RBM4B: variants seen among roughly 807,000 people sequenced by gnomAD.
RBM4B encodes the protein RNA-binding protein 4B.
In RBM4B, 13 loss-of-function variants were observed where a neutral mutation model predicts 28.5. That is an observed-to-expected ratio of 0.46 (90% CI 0.30 to 0.72). The LOEUF (loss-of-function observed/expected upper bound fraction) is 0.72, where lower values mean the gene tolerates loss of function less well. RBM4B is among the 30% of genes least tolerant of loss of function. The pLI, the probability that RBM4B is intolerant of heterozygous loss-of-function variation, is 0.09. For missense variants in RBM4B, 387 were observed against 477.6 expected (o/e 0.81, Z 1.77); for synonymous variants, 167 against 179.1 (o/e 0.93, Z 0.54).
intron 2 of RBM4B, chr11:66,675,923 C>T (rs1352396275): frequency 1.3e-5 from 2 of 152,200 alleles, no homozygotes; most frequent in African/African-American, 4.8e-5. Flanking sequence ...CTTCTGACAA[C>T]CTCTTGTGGT....
At chr11:66,673,778 G>T (rs1039047098) in intron 2 of RBM4B, among the ~76,000 whole-genome samples, 1 of 152,168 alleles carries the variant, frequency 6.6e-6, no homozygotes. Context: ...GCCCTTTTAA[G>T]AGGCCACCTT....
Position 66,668,685 on chromosome 11 carries a change from T to C in RBM4B, c.1019A>G (p.Tyr340Cys), listed in dbSNP as rs781630995. The C allele has an allele frequency of 6.2e-7, 1 of 1,614,178 alleles. No homozygotes were observed. Among genetic ancestry groups the C allele is most frequent in the South Asian group, 1.1e-5 (1 of 91,086 alleles). Residue 340 changes from tyrosine (Y) to cysteine (C), a missense_variant, in exon 3 of 4, where the codon TAT (tyrosine) becomes TGT (cysteine). Tyr to Cys is a radical substitution (Grantham distance 194). Coordinates refer to ENST00000310046, the MANE Select transcript of RBM4B (RefSeq NM_031492.4). ...QASAATRNSL[Y>C]DMARYEREQY... ...CTCCCGTTCATACCGGGCCATGTCA[T>C]ACAGAGAATTCCGTGTAGCTGCGGA... is the stretch of plus-strand genomic sequence containing the variant.
In RBM4B at chr11:66,668,743, C is replaced by T. The variant is rs147558582; in HGVS notation, c.961G>A (p.Gly321Ser). The stretch of plus-strand genomic sequence containing the variant: ...GATAATTCACTCTCTGGCCCATAAC[C>T]GTAGCCCTCTCCAACTGTGGGGAGC... ...AMLPTVGEGY[G>S]YGPESELSQA... Residue 321 changes from glycine (G) to serine (S), a missense_variant, in exon 3 of 4, where the codon GGT becomes AGT. Physicochemically the swap from Gly to Ser is moderately conservative, Grantham distance 56. Transcript: ENST00000310046. 283 of 1,614,090 alleles carry T rather than the reference C, an allele frequency of 1.8e-4. No individual in the cohort carries two copies. Among genetic ancestry groups the T allele is most frequent in the Non-Finnish European group, 2.2e-4 (260 of 1,180,040 alleles).
chr11:66,668,833 C>G lies in RBM4B; in HGVS notation c.871G>C (p.Ala291Pro), dbSNP rs200939157. The G allele has an allele frequency of 1.2e-6, 2 of 1,614,190 alleles. No homozygotes were observed. Among genetic ancestry groups the G allele is most frequent in the East Asian group, 4.5e-5 (2 of 44,882 alleles). ...TAGTAGGAGGAAGTGGTGGCTGCAGCAGCAGCCATAGCAGCTGAAGTGGCA... is the reference window on the plus strand; with the variant it reads ...TAGTAGGAGGAAGTGGTGGCTGCAGGAGCAGCCATAGCAGCTGAAGTGGCA... ...AAATSAAMAAAAATTSSYYGR... is the reference protein window; with the variant it reads ...AAATSAAMAAPAATTSSYYGR... Residue 291 changes from alanine (A) to proline (P), a missense_variant, in exon 3 of 4, where the codon GCT (alanine) becomes CCT (proline). By Grantham distance (27) the Ala-to-Pro change is conservative (BLOSUM62 -1). Coordinates refer to ENST00000310046, the MANE Select transcript of RBM4B (RefSeq NM_031492.4).
chr11:66,671,896 T>C (rs529065827), intron 2 of RBM4B, among the ~76,000 whole-genome samples: 7 of 151,964 alleles, frequency 4.6e-5, no homozygotes, highest in South Asian at 4.2e-4. Flanking sequence ...CCTGCCACCA[T>C]TGGTGTGGTT....
Position 66,676,740 on chromosome 11 carries a change from C to A in RBM4B, c.340G>T (p.Ala114Ser). Residue 114 changes from alanine (A) to serine (S), a missense_variant, in exon 2 of 4, where the codon GCC (alanine) becomes TCC (serine). Physicochemically the swap from Ala to Ser is moderately conservative, Grantham distance 99. Coordinates refer to ENST00000310046, the MANE Select transcript of RBM4B (RefSeq NM_031492.4). ...TCTGCCCGCTCCATGTGTACGAAGG[C>A]ATAATCTTTCACGATGTCACATTCG... ...VIECDIVKDY[A>S]FVHMERAEDA... 6.2e-7 allele frequency: 1 copy of A among 1,614,126 alleles called. No homozygotes were observed. Among genetic ancestry groups the A allele is most frequent in the Non-Finnish European group, 8.5e-7 (1 of 1,180,008 alleles).
intron 1 of RBM4B, 112 bp from the exon 2 acceptor site, chr11:66,677,203 CAG>C (rs1565097782): frequency 4.7e-6 from 6 of 1,288,154 alleles, no homozygotes; most frequent in Non-Finnish European, 6.4e-6. Flanking sequence ...GACCCTCGTA[CAG>C]ACATTCATTA....
intron 2 of RBM4B, among the ~76,000 whole-genome samples, chr11:66,669,872 T>C (rs1939406006): frequency 6.6e-6 from 1 of 152,236 alleles, no homozygotes; most frequent in Non-Finnish European, 1.5e-5. Context: ...CTTTCCTTTT[T>C]CCCCTTATAC....
intron 2 of RBM4B, among the ~76,000 whole-genome samples, chr11:66,672,052 T>C (rs1939476762): frequency 6.6e-6 from 1 of 151,970 alleles, no homozygotes; most frequent in Non-Finnish European, 1.5e-5. Flanking sequence ...CGGCCCAATT[T>C]TTTAACCTAG....
Position 66,669,221 on chromosome 11 carries a change from G to A in RBM4B, c.483C>T (p.Gly161=). ...GCCCTTCTTTCCCACACCGATAGCA[G>A]CCACTCTGGTCTCCCATACCAGGGG... is the stretch of plus-strand genomic sequence containing the variant. ...RTAPGMGDQS[G]CYRCGKEGHW... is the part of the protein sequence containing the mutation. The change falls in exon 3 of 4, where the codon GGC becomes GGT. Residue 161 remains glycine (G), a synonymous_variant. Coordinates refer to ENST00000310046, the MANE Select transcript of RBM4B (RefSeq NM_031492.4). 3 of 1,614,152 alleles carry A rather than the reference G, an allele frequency of 1.9e-6. No homozygotes were observed. The highest frequency in any genetic ancestry group is 2.5e-6 in the Non-Finnish European group (3 of 1,180,032).
chr11:66,676,938 C>A lies in RBM4B; in HGVS notation c.142G>T (p.Ala48Ser). ...GFVHIEDKTA[A>S]EDAIRNLHHY... ...TGCAGGTTGCGTATGGCATCCTCAGCTGCCGTCTTGTCTTCTATGTGCACA... is the reference window on the plus strand; with the variant it reads ...TGCAGGTTGCGTATGGCATCCTCAGATGCCGTCTTGTCTTCTATGTGCACA... Residue 48 changes from alanine (A) to serine (S), a missense_variant, in exon 2 of 4, where the codon GCT (alanine) becomes TCT (serine). Around this residue, in one of 2 missense-constraint regions of RBM4B, gnomAD observed 161 missense variants for 256.9 expected, o/e 0.63. Transcript: ENST00000310046. 6.2e-7 allele frequency: 1 copy of A among 1,614,160 alleles called. No homozygotes were observed. Among genetic ancestry groups the A allele is most frequent in the Non-Finnish European group, 8.5e-7 (1 of 1,180,024 alleles).
intron 3 of RBM4B, chr11:66,666,533 G>A (rs1939234968): frequency 1.2e-5 from 9 of 780,516 alleles, no homozygotes; most frequent in Non-Finnish European, 1.2e-5. Context: ...GCTAAAAAGA[G>A]GTTAGTTGAA....
chr11:66,674,893 A>G (rs571858180), intron 2 of RBM4B, among the ~76,000 whole-genome samples: 1 of 152,336 alleles, frequency 6.6e-6, no homozygotes, highest in Non-Finnish European at 1.5e-5. Flanking sequence ...TTTAAAAGGT[A>G]AGGGCATTCT....
At position 66,668,612 on chromosome 11, in the gene RBM4B, C is replaced by CA. The variant is rs1344298906; in HGVS notation, c.*9+2dup. On this transcript the variant is annotated splice_region_variant and intron_variant, in intron 3 of 3. Coordinates refer to ENST00000310046, the MANE Select transcript of RBM4B (RefSeq NM_031492.4). ...CTTTTAACCATTCCCACCCATCTCT[C>CA]ACCTCCAGTTTTTAAAAGGCTGAGT... 6.3e-7 allele frequency: 1 copy of CA among 1,589,044 alleles called. No homozygotes were observed. Among genetic ancestry groups the CA allele is most frequent in the Admixed American group, 1.7e-5 (1 of 58,986 alleles).
chr11:66,677,341 G>C, intron 1 of RBM4B: 1 of 547,612 alleles, frequency 1.8e-6, no homozygotes. Flanking sequence ...GGAGCGCAAT[G>C]AAATACCAGA....
chr11:66,673,884 A>C (rs1045544572), intron 2 of RBM4B, among the ~76,000 whole-genome samples: 1 of 152,214 alleles, frequency 6.6e-6, no homozygotes, highest in Non-Finnish European at 1.5e-5. Context: ...ATCCAGTGCT[A>C]AGCTTGCTCT....
At chr11:66,666,063 T>C (rs1359125996) in intron 3 of RBM4B, 1 of 1,092,028 alleles carries the variant, frequency 9.2e-7, no homozygotes, top group East Asian at 2.6e-5. Context: ...AGGGGTAGGA[T>C]ATCAAGGAGC....
intron 1 of RBM4B, chr11:66,677,314 T>C (rs946770909): frequency 1.7e-6 from 1 of 584,016 alleles, no homozygotes; most frequent in African/African-American, 1.9e-5. Context: ...TAGCCCAGTC[T>C]ATCATCTCCG....
Position 66,677,050 on chromosome 11 carries a change from G to C in RBM4B, c.30C>G (p.Pro10=), listed in dbSNP as rs779049962. The change falls in exon 2 of 4, where the codon CCC becomes CCG. Residue 10 remains proline (P), a synonymous_variant. Coordinates refer to ENST00000310046, the MANE Select transcript of RBM4B (RefSeq NM_031492.4). ...GAATCTCCTGCTCTGTAGCCTCCCG[G>C]GGAAGGTTTCCGATGAACAGCTTCA... is the stretch of plus-strand genomic sequence containing the variant. MVKLFIGNL[P]REATEQEIRS... The C allele has an allele frequency of 6.2e-7, 1 of 1,614,044 alleles. No homozygotes were observed. The highest frequency in any genetic ancestry group is 8.5e-7 in the Non-Finnish European group (1 of 1,179,956).
Sources: allele counts gnomAD v4.1 joint callset (sites outside exome capture counted in the v4.1 genomes callset), GRCh38; gene constraint gnomAD v4.1.1; regional missense constraint gnomAD v4.1.1; transcripts MANE v1.5; gene names NCBI Gene and HGNC (gene_info 2026-07-23, HGNC 2026-07-21).